The following CYP19A1 variants were observed in gnomAD, a reference collection of about 807,000 sequenced individuals.
CYP19A1 encodes the protein cytochrome P450 family 19 subfamily A member 1.
Under a neutral mutation model 44.4 loss-of-function variants are expected in CYP19A1, and 32 were observed. That is an observed-to-expected ratio of 0.72 (90% CI 0.54 to 0.97). The LOEUF (loss-of-function observed/expected upper bound fraction) is 0.97, where lower values mean the gene tolerates loss of function less well. Among genes scored for constraint, CYP19A1 ranks in the 50% least tolerant of loss-of-function variants. The pLI is 0.00. For missense variants in CYP19A1, 598 were observed against 637.8 expected (o/e 0.94, Z 0.67); for synonymous variants, 212 against 215.6 (o/e 0.98, Z 0.14).
chr15:51,324,270 A>C (rs1184072306), intron 1 of CYP19A1, among the ~76,000 whole-genome samples: 2 of 152,260 alleles, frequency 1.3e-5, no homozygotes, highest in Non-Finnish European at 2.9e-5. Context: ...CCAAAGATGA[A>C]TATTTTATAA....
chr15:51,329,452 A>G (rs2036664969), intron 1 of CYP19A1, among the ~76,000 whole-genome samples: 2 of 152,214 alleles, frequency 1.3e-5, no homozygotes, highest in Admixed American at 6.5e-5. Context: ...CCTTTTGAGA[A>G]ACAGCAGAAG....
At chr15:51,315,624 T>C (rs527252258) in intron 1 of CYP19A1, among the ~76,000 whole-genome samples, 150 of 152,342 alleles carry the variant, frequency 9.8e-4, no homozygotes, top group Middle Eastern at 3.4e-3. Context: ...GAAATAATTC[T>C]TGAATAAATG....
chr15:51,230,961 G>A (rs1281006563), intron 3 of CYP19A1, among the ~76,000 whole-genome samples: 2 of 151,572 alleles, frequency 1.3e-5, no homozygotes, highest in Non-Finnish European at 2.9e-5. Context: ...ATGTAGATCT[G>A]TTCCATCAAT....
Position 51,215,688 on chromosome 15 carries a change from AG to A in CYP19A1, c.858+14del. The A allele has an allele frequency of 6.2e-7, 1 of 1,613,964 alleles. No homozygotes were observed. Among genetic ancestry groups the A allele is most frequent in the Non-Finnish European group, 8.5e-7 (1 of 1,179,934 alleles). ...CATATGTGGCATGGGAATTACAGTTAGTTCAGGTCAGTACCTCTGCTAAAAT... is the reference window on the plus strand; with the variant it reads ...CATATGTGGCATGGGAATTACAGTTATTCAGGTCAGTACCTCTGCTAAAAT... On this transcript the variant is annotated intron_variant, in intron 7 of 9. Transcript: ENST00000396402.
At chr15:51,290,871 G>C (rs1172877065) in intron 1 of CYP19A1, among the ~76,000 whole-genome samples, 1 of 152,190 alleles carries the variant, frequency 6.6e-6, no homozygotes, top group African/African-American at 2.4e-5. Context: ...CTGGGGCCCA[G>C]TCATTGATCC....
intron 1 of CYP19A1, among the ~76,000 whole-genome samples, chr15:51,331,784 C>T: frequency 6.6e-6 from 1 of 152,152 alleles, no homozygotes; most frequent in East Asian, 1.9e-4. Context: ...GTGCTCTTTA[C>T]ATTTCATTTT....
chr15:51,218,366 C>T, intron 6 of CYP19A1, 175 bp downstream of exon 6: 2 of 985,028 alleles, frequency 2.0e-6, no homozygotes, highest in South Asian at 1.7e-5. Flanking sequence ...TCTGGTCTGG[C>T]CAAATGCAGC....
intron 1 of CYP19A1, among the ~76,000 whole-genome samples, chr15:51,282,609 C>T (rs556534193): frequency 5.3e-5 from 8 of 152,224 alleles, no homozygotes; most frequent in Non-Finnish European, 1.0e-4. Flanking sequence ...CTTTCTCTCT[C>T]AAACTGTCTT....
At chr15:51,324,032 T>TC (rs769993215) in intron 1 of CYP19A1, 3 of 152,168 alleles carry the variant, frequency 2.0e-5, no homozygotes, top group East Asian at 1.9e-4. Flanking sequence ...TTGCTTTTTT[T>TC]CCCTCCCTAT....
chr15:51,268,851 A>C (rs1180298926), intron 1 of CYP19A1, among the ~76,000 whole-genome samples: 1 of 152,188 alleles, frequency 6.6e-6, no homozygotes, highest in Non-Finnish European at 1.5e-5. Flanking sequence ...GGCCATTCAT[A>C]TATCTTTTAT....
intron 1 of CYP19A1, among the ~76,000 whole-genome samples, chr15:51,290,380 G>A (rs1269928241): frequency 1.3e-5 from 2 of 152,178 alleles, no homozygotes; most frequent in African/African-American, 4.8e-5. Context: ...GAAAAAGAAT[G>A]CCTTCTGACC....
intron 1 of CYP19A1, among the ~76,000 whole-genome samples, chr15:51,259,382 G>A (rs1268573163): frequency 1.3e-5 from 2 of 152,310 alleles, no homozygotes; most frequent in South Asian, 4.1e-4. Context: ...AAAGAACCCA[G>A]AGAGAAACCA....
In CYP19A1 at chr15:51,226,387, G is replaced by A. The variant is rs79785891; in HGVS notation, c.451+1392C>T. ...ATCCATGTCAGACTTCTGACCTACA[G>A]AACTGTGAGATAAATGTGTTCTTTT... On this transcript the variant is annotated intron_variant, in intron 4 of 9. Coordinates refer to ENST00000396402, the MANE Select transcript of CYP19A1 (RefSeq NM_000103.4). Among the ~76,000 whole-genome samples the A allele has an allele frequency of 5.7e-3, 865 of 152,338 alleles. 3 individuals carry two copies. The highest frequency in any genetic ancestry group is 8.3e-3 in the Non-Finnish European group (562 of 68,030).
intron 9 of CYP19A1, chr15:51,211,582 G>A: frequency 2.6e-6 from 1 of 379,514 alleles, no homozygotes; most frequent in Non-Finnish European, 5.2e-6. Context: ...ATAAATTTTT[G>A]TTGATCAGTT....
intron 6 of CYP19A1, among the ~76,000 whole-genome samples, chr15:51,217,407 A>T (rs1217495069): frequency 6.6e-6 from 1 of 152,234 alleles, no homozygotes; most frequent in Admixed American, 6.5e-5. Context: ...CAGGGAAGAG[A>T]TGAATCTTTT....
At chr15:51,214,248 G>T (rs1317876433) in intron 8 of CYP19A1, among the ~76,000 whole-genome samples, 1 of 152,192 alleles carries the variant, frequency 6.6e-6, no homozygotes, top group Non-Finnish European at 1.5e-5. Flanking sequence ...GTCAAATGAG[G>T]AATTCTGCTT....
chr15:51,256,948 G>A (rs954544967), intron 1 of CYP19A1, among the ~76,000 whole-genome samples: 2 of 152,186 alleles, frequency 1.3e-5, no homozygotes, highest in Non-Finnish European at 2.9e-5. Context: ...GGGCAAGTCT[G>A]CCTAAGACTG....
At chr15:51,229,906 G>C (rs2032896828) in intron 3 of CYP19A1, among the ~76,000 whole-genome samples, 1 of 152,166 alleles carries the variant, frequency 6.6e-6, no homozygotes, top group Admixed American at 6.5e-5. Flanking sequence ...TTGCTAATCA[G>C]TTTTAAAAAG....
chr15:51,322,176 C>T (rs1225968292), intron 1 of CYP19A1, among the ~76,000 whole-genome samples: 1 of 152,204 alleles, frequency 6.6e-6, no homozygotes, highest in African/African-American at 2.4e-5. Flanking sequence ...AACCTGCGAG[C>T]CCCTGGCTGC....
Sources: allele counts gnomAD v4.1 joint callset (sites outside exome capture counted in the v4.1 genomes callset), GRCh38; gene constraint gnomAD v4.1.1; transcripts MANE v1.5; gene names NCBI Gene and HGNC (gene_info 2026-07-23, HGNC 2026-07-21).